The following STRBP variants were observed in gnomAD, a reference collection of about 807,000 sequenced individuals.
STRBP encodes spermatid perinuclear RNA-binding protein.
Under a neutral mutation model 80.1 loss-of-function variants are expected in STRBP, and 13 were observed. The observed-to-expected ratio is 0.16, with a 90% CI of 0.11 to 0.26. The LOEUF is 0.26. Ranked by LOEUF, STRBP falls within the 10% of genes least tolerant of loss-of-function variation. The probability of loss-of-function intolerance (pLI) is 1.00; values close to 1 mark genes in which losing one functional copy is unlikely to be tolerated. For synonymous variants in STRBP, 284 were observed against 291.2 expected, an observed-to-expected ratio of 0.98 and a Z score of 0.25; for missense variants, 485 against 815.2, an observed-to-expected ratio of 0.59 and a Z score of 4.93.
intron 2 of STRBP, among the ~76,000 whole-genome samples, chr9:123,205,277 G>A (rs2039474551): frequency 2.0e-5 from 3 of 152,184 alleles, no homozygotes; most frequent in South Asian, 4.1e-4. Context: ...AAAACAAAAA[G>A]AATTCAAATA....
intron 17 of STRBP, among the ~76,000 whole-genome samples, chr9:123,131,138 T>C (rs1015309958): frequency 2.6e-5 from 4 of 152,242 alleles, no homozygotes; most frequent in Admixed American, 2.6e-4. Flanking sequence ...CAGTTTGAAA[T>C]GTACAATACA....
intron 6 of STRBP, 58 bp downstream of exon 6, chr9:123,169,844 A>C (rs1659227446): frequency 9.3e-7 from 1 of 1,072,528 alleles, no homozygotes; most frequent in South Asian, 3.8e-5. Context: ...TTTTATATGA[A>C]GAAAACAAAC....
intron 2 of STRBP, among the ~76,000 whole-genome samples, chr9:123,201,931 T>C (rs2039340393): frequency 6.6e-6 from 1 of 152,210 alleles, no homozygotes; most frequent in African/African-American, 2.4e-5. Context: ...AGTTCCAGTG[T>C]TAGGTGCGTA....
intron 4 of STRBP, among the ~76,000 whole-genome samples, chr9:123,176,593 GA>G (rs1255372179): frequency 6.6e-6 from 1 of 152,188 alleles, no homozygotes; most frequent in East Asian, 1.9e-4. Context: ...TTTGCTGCAA[GA>G]TAGTAGGAAA....
intron 11 of STRBP, among the ~76,000 whole-genome samples, chr9:123,156,320 T>C (rs777296625): frequency 6.6e-6 from 1 of 152,112 alleles, no homozygotes; most frequent in Non-Finnish European, 1.5e-5. Flanking sequence ...AGCAAGCACC[T>C]GCAGGAAGAA....
intron 11 of STRBP, among the ~76,000 whole-genome samples, chr9:123,153,789 A>G (rs2037162517): frequency 6.6e-6 from 1 of 152,164 alleles, no homozygotes; most frequent in South Asian, 2.1e-4. Flanking sequence ...TTAATTTGGG[A>G]CAATCTTCAG....
chr9:123,192,141 T>C (rs2038946921), intron 2 of STRBP, among the ~76,000 whole-genome samples: 1 of 152,136 alleles, frequency 6.6e-6, no homozygotes, highest in Admixed American at 6.5e-5. Flanking sequence ...GAAATTCAGC[T>C]TTGGACATGC....
At chr9:123,170,651 T>C (rs1045265635) in intron 5 of STRBP, among the ~76,000 whole-genome samples, 202 of 152,330 alleles carry the variant, frequency 1.3e-3, no homozygotes, top group African/African-American at 4.7e-3. Flanking sequence ...CCTACCACTA[T>C]GGGTCAAGTC....
At chr9:123,256,967 C>T (rs1311803398) in intron 1 of STRBP, among the ~76,000 whole-genome samples, 2 of 150,744 alleles carry the variant, frequency 1.3e-5, no homozygotes, top group African/African-American at 2.4e-5. Flanking sequence ...GAGAACCAGT[C>T]GTATTTATTT....
At chr9:123,127,062 C>T (rs2035924086) in intron 18 of STRBP, among the ~76,000 whole-genome samples, 1 of 152,218 alleles carries the variant, frequency 6.6e-6, no homozygotes, top group African/African-American at 2.4e-5. Flanking sequence ...TAGCTCCAGG[C>T]TCTGCACTTT....
chr9:123,221,654 A>G (rs1203110048), intron 2 of STRBP, among the ~76,000 whole-genome samples: 2 of 152,166 alleles, frequency 1.3e-5, no homozygotes, highest in African/African-American at 4.8e-5. Flanking sequence ...TAAATACTTC[A>G]GCGTCTTTTT....
At chr9:123,217,263 G>T (rs1342204880) in intron 2 of STRBP, among the ~76,000 whole-genome samples, 1 of 152,114 alleles carries the variant, frequency 6.6e-6, no homozygotes, top group Non-Finnish European at 1.5e-5. Context: ...TACTCAAAAT[G>T]ATAGAGTAGA....
At chr9:123,202,968 T>C (rs2039381055) in intron 2 of STRBP, among the ~76,000 whole-genome samples, 1 of 152,182 alleles carries the variant, frequency 6.6e-6, no homozygotes, top group Admixed American at 6.5e-5. Context: ...GATTATACAT[T>C]GCCTTCCAAC....
intron 1 of STRBP, among the ~76,000 whole-genome samples, chr9:123,250,363 T>C (rs1409793375): frequency 1.3e-5 from 2 of 152,218 alleles, no homozygotes; most frequent in African/African-American, 4.8e-5. Flanking sequence ...TTGTCTTGTG[T>C]TAACATATAA....
Position 123,169,584 on chromosome 9 carries a change from T to C in STRBP, c.535+318A>G, listed in dbSNP as rs956768695. Among the ~76,000 whole-genome samples the C allele has an allele frequency of 1.2e-4, 19 of 152,174 alleles. 1 individual carries two copies. Among genetic ancestry groups the C allele is most frequent in the African/African-American group, 1.4e-4 (6 of 41,436 alleles). On this transcript the variant is annotated intron_variant, in intron 6 of 18. Coordinates refer to ENST00000348403, the MANE Select transcript of STRBP (RefSeq NM_018387.5). The stretch of plus-strand genomic sequence containing the variant: ...AAAATACATAGAATAAGTTGGCTGA[T>C]AGCAATAACTTAATGCAATACTAGA...
Position 123,188,559 on chromosome 9 carries a change from G to A in STRBP, c.-164-4261C>T, listed in dbSNP as rs542350878. Among the ~76,000 whole-genome samples the A allele has an allele frequency of 9.9e-5, 15 of 152,158 alleles. No individual in the cohort carries two copies. In the South Asian group the frequency reaches 1.5e-3, roughly 15 times the overall value. On this transcript the variant is annotated intron_variant, in intron 2 of 18. Transcript: ENST00000348403. ...CGGGAGGCTGAGGCAGGAGAATGGCGTGAACCCAGGAGGCGAAGCTTGCAG... is the reference window on the plus strand; with the variant it reads ...CGGGAGGCTGAGGCAGGAGAATGGCATGAACCCAGGAGGCGAAGCTTGCAG...
At chr9:123,183,165 C>T (rs1170382735) in intron 3 of STRBP, among the ~76,000 whole-genome samples, 6 of 151,988 alleles carry the variant, frequency 3.9e-5, no homozygotes, top group South Asian at 2.1e-4. Context: ...TGGCCAGGCA[C>T]GGTGGCTGAT....
chr9:123,150,778 G>A (rs2037021561), intron 11 of STRBP, among the ~76,000 whole-genome samples: 1 of 152,002 alleles, frequency 6.6e-6, no homozygotes, highest in Non-Finnish European at 1.5e-5. Flanking sequence ...AGCAGAGAAG[G>A]GCTGGTGAAC....
intron 3 of STRBP, chr9:123,111,735 C>A: frequency 2.5e-6 from 1 of 394,930 alleles, no homozygotes; most frequent in Non-Finnish European, 5.2e-6. Flanking sequence ...TCCAGTTTGT[C>A]AGTTTCCCTT....
Sources: gnomAD v4.1 joint callset for allele counts (sites outside exome capture counted in the v4.1 genomes callset) on GRCh38, gnomAD v4.1.1 for gene constraint, MANE v1.5 for transcripts, NCBI Gene and HGNC (gene_info 2026-07-23, HGNC 2026-07-21) for gene names.